DOCK9: variants seen among roughly 807,000 people sequenced by gnomAD.
DOCK9 encodes the protein dedicator of cytokinesis 9, also known as dedicator of cytokinesis protein 9.
In DOCK9, 89 loss-of-function variants were observed where a neutral mutation model predicts 263.3. The ratio of observed to expected loss-of-function variants is 0.34; its 90% CI spans 0.28 to 0.40. The LOEUF (loss-of-function observed/expected upper bound fraction) is 0.40, where lower values mean the gene tolerates loss of function less well. DOCK9 is among the 10% of genes least tolerant of loss of function. The pLI, the probability that DOCK9 is intolerant of heterozygous loss-of-function variation, is 1.00. For missense variants in DOCK9, 2,140 were observed against 2,603.4 expected, an observed-to-expected ratio of 0.82 and a Z score of 3.87; for synonymous variants, 976 against 973.1, an observed-to-expected ratio of 1.00 and a Z score of -0.06.
chr13:98,948,319 C>CA (rs1308939987), intron 2 of DOCK9, among the ~76,000 whole-genome samples: 2 of 152,182 alleles, frequency 1.3e-5, no homozygotes, highest in Non-Finnish European at 2.9e-5. Context: ...CTAGGATTGT[C>CA]AATTTTGAAT....
intron 37 of DOCK9, 76 bp downstream of exon 37, chr13:98,848,515 CT>C: frequency 6.6e-7 from 1 of 1,504,726 alleles, no homozygotes; most frequent in South Asian, 1.2e-5. Context: ...CCAACCGCCA[CT>C]GATGACCAAT....
intron 1 of DOCK9, among the ~76,000 whole-genome samples, chr13:98,960,494 G>C (rs183005270): frequency 6.6e-6 from 1 of 152,290 alleles, no homozygotes; most frequent in East Asian, 1.9e-4. Flanking sequence ...CCTTATCTGT[G>C]AACATTCATT....
At chr13:99,052,039 CATTCCTG>C (rs933967774) in intron 1 of DOCK9, among the ~76,000 whole-genome samples, 7 of 152,258 alleles carry the variant, frequency 4.6e-5, no homozygotes, top group African/African-American at 1.7e-4. Flanking sequence ...AGCCAAGTAC[CATTCCTG>C]TTTAAAGATT....
At chr13:98,885,675 T>C in intron 20 of DOCK9, 33 bp downstream of exon 20, 2 of 1,574,392 alleles carry the variant, frequency 1.3e-6, no homozygotes, top group South Asian at 1.2e-5. Flanking sequence ...GTTTCAATTA[T>C]TTAAAATCAA....
chr13:98,798,660 C>T (rs1486976892), intron 50 of DOCK9, among the ~76,000 whole-genome samples: 1 of 152,234 alleles, frequency 6.6e-6, no homozygotes, highest in Non-Finnish European at 1.5e-5. Context: ...AGAAGCTCCG[C>T]AGACGGCTCT....
intron 1 of DOCK9, among the ~76,000 whole-genome samples, chr13:99,077,150 A>T (rs2041941078): frequency 6.6e-6 from 1 of 152,186 alleles, no homozygotes; most frequent in Non-Finnish European, 1.5e-5. Flanking sequence ...GGGAAATACT[A>T]ATGTCTTCAG....
At chr13:98,888,124 T>G (rs1228171699) in intron 18 of DOCK9, 34 bp downstream of exon 18, 4 of 1,458,354 alleles carry the variant, frequency 2.7e-6, no homozygotes, top group Non-Finnish European at 3.7e-6. Context: ...AAAATCAGAA[T>G]TCGTAGGTGA....
At chr13:98,949,378 T>G (rs1181508851) in intron 2 of DOCK9, among the ~76,000 whole-genome samples, 2 of 151,848 alleles carry the variant, frequency 1.3e-5, no homozygotes, top group Non-Finnish European at 1.5e-5. Flanking sequence ...GTTACAGGAG[T>G]CTTACAGAGC....
chr13:99,037,787 A>T (rs778009484), intron 1 of DOCK9, among the ~76,000 whole-genome samples: 2 of 152,238 alleles, frequency 1.3e-5, no homozygotes, highest in Non-Finnish European at 2.9e-5. Flanking sequence ...ATTCATCAGT[A>T]TAAAGAAATG....
chr13:98,933,082 T>C (rs2054224204), intron 2 of DOCK9, among the ~76,000 whole-genome samples: 1 of 152,252 alleles, frequency 6.6e-6, no homozygotes, highest in Non-Finnish European at 1.5e-5. Context: ...AACTGTGTTA[T>C]GATCTGATTT....
At chr13:98,897,959 C>A (rs1595098006) in intron 14 of DOCK9, among the ~76,000 whole-genome samples, 1 of 152,218 alleles carries the variant, frequency 6.6e-6, no homozygotes, top group South Asian at 2.1e-4. Flanking sequence ...CTGCAGCTAA[C>A]ACTACCGTGC....
At chr13:99,086,621 T>C (rs2042350391) in exon 1 of DOCK9, 1 of 146,284 alleles carries the variant, frequency 6.8e-6, no homozygotes, top group Non-Finnish European at 1.5e-5. Flanking sequence ...ACCGTGCGTG[T>C]GGCGGCGGCG....
chr13:98,956,301 T>A (rs2058055890), intron 1 of DOCK9, among the ~76,000 whole-genome samples: 1 of 152,240 alleles, frequency 6.6e-6, no homozygotes, highest in South Asian at 2.1e-4. Flanking sequence ...AAAATCCCTT[T>A]ATCTATCGCC....
At chr13:98,863,697 T>G (rs1365992322) in intron 30 of DOCK9, 149 bp from the exon 31 acceptor site, 2 of 791,126 alleles carry the variant, frequency 2.5e-6, no homozygotes, top group Non-Finnish European at 3.9e-6. Flanking sequence ...TGGCTTCAAA[T>G]GAGAAAGAAT....
At chr13:98,856,254 G>A (rs1476005546) in intron 33 of DOCK9, 6 of 427,470 alleles carry the variant, frequency 1.4e-5, no homozygotes, top group Non-Finnish European at 2.5e-5. Context: ...CAATTCACTT[G>A]TTAGAAACCA....
chr13:98,967,624 T>C (rs921278860), intron 1 of DOCK9, among the ~76,000 whole-genome samples: 2 of 152,202 alleles, frequency 1.3e-5, no homozygotes, highest in African/African-American at 2.4e-5. Flanking sequence ...TGAGAAATGC[T>C]GAACATTGCT....
At chr13:99,014,035 C>T (rs750365906) in intron 1 of DOCK9, among the ~76,000 whole-genome samples, 218 of 152,320 alleles carry the variant, frequency 1.4e-3, no homozygotes, top group African/African-American at 5.0e-3. Flanking sequence ...TGCATGACAG[C>T]AGTGTTCTAG....
intron 2 of DOCK9, among the ~76,000 whole-genome samples, chr13:98,951,126 T>A (rs1305727221): frequency 6.6e-6 from 1 of 152,182 alleles, no homozygotes; most frequent in African/African-American, 2.4e-5. Flanking sequence ...AAAAAGTAAG[T>A]TCTCAGATTT....
chr13:98,946,626 T>C (rs1252773420), intron 2 of DOCK9, among the ~76,000 whole-genome samples: 5 of 152,240 alleles, frequency 3.3e-5, no homozygotes, highest in Admixed American at 3.3e-4. Context: ...CACATTATCC[T>C]ATATCTTCGA....
Sources: allele counts gnomAD v4.1 joint callset (sites outside exome capture counted in the v4.1 genomes callset), GRCh38; gene constraint gnomAD v4.1.1; transcripts MANE v1.5; gene names NCBI Gene and HGNC (gene_info 2026-07-23, HGNC 2026-07-21).